KHDRBS3: variants seen among roughly 807,000 people sequenced by gnomAD.
The protein encoded by KHDRBS3 is KH RNA binding domain containing, signal transduction associated 3, also known as KH domain-containing, RNA-binding, signal transduction-associated protein 3.
In KHDRBS3, 23 loss-of-function variants were observed where a neutral mutation model predicts 45.6. That is an observed-to-expected ratio of 0.50 (90% CI 0.36 to 0.72). The LOEUF (loss-of-function observed/expected upper bound fraction) is 0.72, where lower values mean the gene tolerates loss of function less well. KHDRBS3 is among the 30% of genes least tolerant of loss of function. The probability of loss-of-function intolerance (pLI) is 0.00; values close to 1 mark genes in which losing one functional copy is unlikely to be tolerated. For synonymous variants in KHDRBS3, 162 were observed against 156.5 expected, an observed-to-expected ratio of 1.04 and a Z score of -0.26; for missense variants, 352 against 424.8, an observed-to-expected ratio of 0.83 and a Z score of 1.51.
At chr8:135,521,199 G>A (rs544788478) in intron 1 of KHDRBS3, 38 bp from the exon 2 acceptor site, 2 of 1,273,122 alleles carry the variant, frequency 1.6e-6, no homozygotes, top group Admixed American at 1.7e-5. Flanking sequence ...CTGCATTTCT[G>A]AGTCATACAC....
intron 8 of KHDRBS3, among the ~76,000 whole-genome samples, chr8:135,645,992 A>ATTTTTTTTTTTTTTTTTTTT (rs57082119): frequency 2.0e-5 from 2 of 100,688 alleles, no homozygotes; most frequent in African/African-American, 4.1e-5. Context: ...TGCACCTTGG[A>ATTTTTTTTTTTTTTTTTTTT]TTTTTTTTTT....
intron 7 of KHDRBS3, among the ~76,000 whole-genome samples, chr8:135,638,294 C>T (rs957458341): frequency 5.3e-5 from 8 of 152,190 alleles, no homozygotes; most frequent in African/African-American, 1.2e-4. Flanking sequence ...GGCCAAACCT[C>T]GGGTAGTCCC....
At chr8:135,504,935 A>G (rs1823913984) in intron 1 of KHDRBS3, among the ~76,000 whole-genome samples, 1 of 152,164 alleles carries the variant, frequency 6.6e-6, no homozygotes, top group Non-Finnish European at 1.5e-5. Flanking sequence ...GCACACCACT[A>G]TAGCAGTACT....
chr8:135,613,458 G>A (rs1225656430), intron 7 of KHDRBS3, among the ~76,000 whole-genome samples: 1 of 151,768 alleles, frequency 6.6e-6, no homozygotes, highest in Admixed American at 6.6e-5. Context: ...AAAGCACGTA[G>A]TCTTTGTAAA....
chr8:135,479,708 A>G (rs1822468312), intron 1 of KHDRBS3, among the ~76,000 whole-genome samples: 1 of 152,224 alleles, frequency 6.6e-6, no homozygotes, highest in Non-Finnish European at 1.5e-5. Flanking sequence ...ATCACCTCTG[A>G]AAGACCCTAC....
intron 4 of KHDRBS3, among the ~76,000 whole-genome samples, chr8:135,552,373 C>T (rs1826648997): frequency 6.6e-6 from 1 of 152,098 alleles, no homozygotes; most frequent in Admixed American, 6.6e-5. Context: ...TTAACTACTT[C>T]TGCCAGCTCA....
intron 7 of KHDRBS3, among the ~76,000 whole-genome samples, chr8:135,617,340 C>T (rs1052890763): frequency 2.0e-5 from 3 of 151,198 alleles, no homozygotes; most frequent in African/African-American, 7.3e-5. Context: ...TACAGTGGCA[C>T]CATCTTTGCT....
chr8:135,572,046 T>C (rs1827726945), intron 5 of KHDRBS3, among the ~76,000 whole-genome samples: 2 of 152,202 alleles, frequency 1.3e-5, no homozygotes, highest in South Asian at 4.1e-4. Context: ...CGTAGGCAAA[T>C]TACTTCTCTG....
intron 1 of KHDRBS3, among the ~76,000 whole-genome samples, chr8:135,519,199 C>G (rs1397073094): frequency 3.9e-5 from 6 of 152,188 alleles, no homozygotes; most frequent in African/African-American, 1.2e-4. Context: ...CTGCTTCCTT[C>G]CGTCTCCCCC....
chr8:135,611,226 T>G (rs752158579), intron 7 of KHDRBS3, among the ~76,000 whole-genome samples: 1 of 151,900 alleles, frequency 6.6e-6, no homozygotes, highest in Non-Finnish European at 1.5e-5. Flanking sequence ...TAGATACTCT[T>G]GAGTGTTCAT....
chr8:135,598,147 ATCACAT>A (rs1370858060), intron 6 of KHDRBS3, among the ~76,000 whole-genome samples: 1 of 152,214 alleles, frequency 6.6e-6, no homozygotes, highest in Non-Finnish European at 1.5e-5. Flanking sequence ...AAATGTAGAC[ATCACAT>A]TTTAGAGAAA....
At chr8:135,492,931 T>C (rs1823232143) in intron 1 of KHDRBS3, among the ~76,000 whole-genome samples, 5 of 152,342 alleles carry the variant, frequency 3.3e-5, no homozygotes, top group Admixed American at 3.3e-4. Flanking sequence ...CTTAACAATA[T>C]TGAGTCTTCT....
intron 3 of KHDRBS3, among the ~76,000 whole-genome samples, chr8:135,544,112 C>T (rs1826174726): frequency 6.6e-6 from 1 of 152,144 alleles, no homozygotes; most frequent in African/African-American, 2.4e-5. Context: ...AAGTACTCTA[C>T]CCTTGCTGAT....
chr8:135,486,749 T>C (rs1822884040), intron 1 of KHDRBS3, among the ~76,000 whole-genome samples: 1 of 152,220 alleles, frequency 6.6e-6, no homozygotes, highest in African/African-American at 2.4e-5. Context: ...TTGAATAATA[T>C]TCCTTGGTGT....
chr8:135,648,635 T>A (rs1290103114), downstream of KHDRBS3: 2 of 152,180 alleles, frequency 1.3e-5, no homozygotes, highest in Admixed American at 1.3e-4. Flanking sequence ...TCCTGACCTG[T>A]GTGGAAGATG....
chr8:135,549,565 T>C (rs1159438389), intron 4 of KHDRBS3: 1 of 152,222 alleles, frequency 6.6e-6, no homozygotes, highest in Non-Finnish European at 1.5e-5. Flanking sequence ...CGAAAGTTGA[T>C]TTAAGTCTTT....
intron 5 of KHDRBS3, among the ~76,000 whole-genome samples, chr8:135,576,109 C>G (rs953354606): frequency 3.9e-5 from 6 of 152,074 alleles, no homozygotes; most frequent in East Asian, 1.9e-4. Flanking sequence ...GTTTGGGGAA[C>G]CAAAACCACA....
intron 1 of KHDRBS3, among the ~76,000 whole-genome samples, chr8:135,517,573 T>C (rs768460870): frequency 5.9e-5 from 9 of 152,190 alleles, no homozygotes; most frequent in Non-Finnish European, 8.8e-5. Context: ...CTACTTATAA[T>C]GCTCATTCAA....
chr8:135,517,947 TTTTC>T lies in KHDRBS3; in HGVS notation c.89-3285_89-3282del, dbSNP rs564037565. Among the ~76,000 whole-genome samples the T allele has an allele frequency of 3.0e-3, 462 of 152,324 alleles. 1 individual carries two copies. The highest frequency in any genetic ancestry group is 5.2e-3 in the Non-Finnish European group (357 of 68,022). ...GAGGAAATTAGATATTTTATATAGA[TTTTC>T]TTTCATTTTCCTTTTTAAAATAACA... On this transcript the variant is annotated intron_variant, in intron 1 of 8. Coordinates refer to ENST00000355849, the MANE Select transcript of KHDRBS3 (RefSeq NM_006558.3).
Sources: gnomAD v4.1 joint callset for allele counts (sites outside exome capture counted in the v4.1 genomes callset) on GRCh38, gnomAD v4.1.1 for gene constraint, MANE v1.5 for transcripts, NCBI Gene and HGNC (gene_info 2026-07-23, HGNC 2026-07-21) for gene names.